Variants in CCNYL1 observed in about 807,000 individuals in gnomAD.
CCNYL1 encodes cyclin Y like 1.
CCNYL1 carries 16 observed loss-of-function variants against 44.2 expected under a neutral mutation model. That is an observed-to-expected ratio of 0.36 (90% CI 0.25 to 0.55). The LOEUF is 0.55. Ranked by LOEUF, CCNYL1 falls within the 20% of genes least tolerant of loss-of-function variation. CCNYL1 has a pLI of 0.85. For missense variants in CCNYL1, 348 were observed against 451.8 expected (o/e 0.77, Z 2.08); for synonymous variants, 159 against 163.2 (o/e 0.97, Z 0.20).
intron 4 of CCNYL1, 105 bp from the exon 5 acceptor site, chr2:207,737,306 C>T: frequency 1.2e-6 from 1 of 820,692 alleles, no homozygotes; most frequent in Non-Finnish European, 2.1e-6. Flanking sequence ...TAGAGGATTT[C>T]AGGGCCGCTA....
intron 3 of CCNYL1, among the ~76,000 whole-genome samples, chr2:207,733,101 G>A (rs1402569952): frequency 1.3e-5 from 2 of 152,064 alleles, no homozygotes; most frequent in Admixed American, 6.6e-5. Context: ...GTGTGGCTGC[G>A]GGCAAAGGGA....
rs189624162 is a variant in CCNYL1, at chr2:207,719,002, C to T, written c.221-5798C>T. Among the ~76,000 whole-genome samples, 24 of 150,714 alleles carry T rather than the reference C, an allele frequency of 1.6e-4. No individual in the cohort carries two copies. In the East Asian group the frequency reaches 4.7e-3, roughly 29 times the overall value. ...AAAAAAAAAAAAACTCTCTTTACTG[C>T]TATGGAGTGATACCCAGATATCCAG... On this transcript the variant is annotated intron_variant, in intron 1 of 9. Transcript: ENST00000295414.
At chr2:207,716,325 A>G (rs2105816761) in intron 1 of CCNYL1, among the ~76,000 whole-genome samples, 1 of 144,404 alleles carries the variant, frequency 6.9e-6, no homozygotes, top group Non-Finnish European at 1.5e-5. Context: ...TCCAGTAGCT[A>G]TTTTAAGCCC....
intron 1 of CCNYL1, among the ~76,000 whole-genome samples, chr2:207,716,424 C>T (rs1264523447): frequency 6.6e-6 from 1 of 150,516 alleles, no homozygotes; most frequent in Admixed American, 6.6e-5. Context: ...TTATGGTATG[C>T]ATATGAATAT....
chr2:207,735,004 C>G (rs1490660912), intron 4 of CCNYL1, among the ~76,000 whole-genome samples: 1 of 152,164 alleles, frequency 6.6e-6, no homozygotes, highest in Non-Finnish European at 1.5e-5. Flanking sequence ...TAAAAAACCA[C>G]TCCACTTTGG....
chr2:207,726,107 A>G (rs2091678191), intron 2 of CCNYL1, among the ~76,000 whole-genome samples: 1 of 152,168 alleles, frequency 6.6e-6, no homozygotes, highest in South Asian at 2.1e-4. Context: ...GAGCTATCCC[A>G]TGCTCCTCTT....
chr2:207,752,057 T>C (rs2091896726), intron 9 of CCNYL1, among the ~76,000 whole-genome samples: 1 of 152,092 alleles, frequency 6.6e-6, no homozygotes, highest in Non-Finnish European at 1.5e-5. Context: ...ATTTTTTCTT[T>C]GCGACTGTAT....
chr2:207,748,943 T>A (rs554981667), intron 8 of CCNYL1, among the ~76,000 whole-genome samples: 1 of 152,334 alleles, frequency 6.6e-6, no homozygotes, highest in African/African-American at 2.4e-5. Flanking sequence ...CTGTCATCCG[T>A]CTGCAAACTG....
intron 2 of CCNYL1, among the ~76,000 whole-genome samples, chr2:207,725,383 C>G (rs1020927282): frequency 6.6e-6 from 1 of 152,212 alleles, no homozygotes. Flanking sequence ...CCTCAGCCTC[C>G]CAAAGTGCTG....
rs1357447720 is a variant in CCNYL1 at position 207,755,517 on chromosome 2, A to G, written c.*1819A>G. On this transcript the variant is annotated 3_prime_UTR_variant, in exon 10 of 10. Transcript: ENST00000295414. ...TCTCCATAAAATGCCCTCTTTTTAAAAGTAGTTACCCGCAGAGCTGTGCTC... is the reference window on the plus strand; with the variant it reads ...TCTCCATAAAATGCCCTCTTTTTAAGAGTAGTTACCCGCAGAGCTGTGCTC... 6.6e-6 allele frequency: 1 copy of G among 152,230 alleles called. No individual in the cohort carries two copies. The highest frequency in any genetic ancestry group is 1.5e-5 in the Non-Finnish European group (1 of 68,038). The allele number at this position is 152,230 out of a possible 1,614,324, so 9.4% of individuals were successfully genotyped here. A position where few individuals can be genotyped will look rare whatever the true frequency, so the allele number is the denominator to read the frequency against.
chr2:207,719,985 G>A (rs573847618), intron 1 of CCNYL1, among the ~76,000 whole-genome samples: 4 of 152,086 alleles, frequency 2.6e-5, no homozygotes, highest in South Asian at 4.2e-4. Flanking sequence ...GTCAGGAGAT[G>A]GAGACCATCC....
intron 3 of CCNYL1, among the ~76,000 whole-genome samples, chr2:207,730,967 A>C (rs1331974137): frequency 6.6e-6 from 1 of 152,084 alleles, no homozygotes; most frequent in Non-Finnish European, 1.5e-5. Context: ...TTAAAGTGTA[A>C]ATCTAAGTTT....
chr2:207,715,178 G>A (rs934440028), intron 1 of CCNYL1, among the ~76,000 whole-genome samples: 1 of 152,010 alleles, frequency 6.6e-6, no homozygotes, highest in African/African-American at 2.4e-5. Flanking sequence ...TAAGGCAGGA[G>A]AATCACTTGA....
At chr2:207,746,048 G>T (rs2091852681) in intron 7 of CCNYL1, among the ~76,000 whole-genome samples, 1 of 152,190 alleles carries the variant, frequency 6.6e-6, no homozygotes, top group African/African-American at 2.4e-5. Flanking sequence ...ACTTTGCTCA[G>T]TTCTTTGAAG....
chr2:207,711,877 G>A lies in CCNYL1; in HGVS notation c.-20G>A, dbSNP rs569654055. ...TAGGGGGCGAGCGAAGGCGGTGGCA[G>A]AGAGGAGCGGAGGCTTCCCATGGGG... On this transcript the variant is annotated 5_prime_UTR_variant, in exon 1 of 10. Coordinates refer to ENST00000295414, the MANE Select transcript of CCNYL1 (RefSeq NM_001330218.2). 2.9e-6 allele frequency: 4 copies of A among 1,362,908 alleles called. No homozygotes were observed. The East Asian group carries it at 1.2e-4, about 42-fold the overall frequency. 84.4% of individuals were successfully genotyped at this position (1,362,908 alleles called of 1,614,324 possible).
At chr2:207,750,916 C>T in intron 8 of CCNYL1, 41 bp from the exon 9 acceptor site, 1 of 1,580,244 alleles carries the variant, frequency 6.3e-7, no homozygotes, top group Non-Finnish European at 8.6e-7. Flanking sequence ...AGTTGACTGA[C>T]ATTGTCCTGT....
rs148541602 is a variant in CCNYL1, at chr2:207,726,655, C to CT, written c.296-186dup. Among the ~76,000 whole-genome samples, 608 of 152,168 alleles carry CT rather than the reference C, an allele frequency of 4.0e-3. 3 individuals carry two copies. Among genetic ancestry groups the CT allele is most frequent in the Non-Finnish European group, 6.8e-3 (465 of 68,006 alleles). ...ATATCTGTCAGTTCAAAAAGTAAAACTAAGTTTTTAGATTTTATTTTATGG... is the reference window on the plus strand; with the variant it reads ...ATATCTGTCAGTTCAAAAAGTAAAACTTAAGTTTTTAGATTTTATTTTATGG... On this transcript the variant is annotated intron_variant, in intron 2 of 9. Coordinates refer to ENST00000295414, the MANE Select transcript of CCNYL1 (RefSeq NM_001330218.2).
intron 5 of CCNYL1, among the ~76,000 whole-genome samples, chr2:207,737,781 G>C (rs2091776816): frequency 6.6e-6 from 1 of 152,144 alleles, no homozygotes; most frequent in Admixed American, 6.5e-5. Flanking sequence ...TGTGGGGACT[G>C]TCCTGTGTAT....
rs901982778 is a variant in CCNYL1, at chr2:207,711,749, G to T, written c.-148G>T. ...CGGGGCGGGCGGGCGAACCGCGGGC[G>T]AGGCGGCGTCTGCTTGCGCGGTGCA... On this transcript the variant is annotated 5_prime_UTR_variant, in exon 1 of 10. Coordinates refer to ENST00000295414, the MANE Select transcript of CCNYL1 (RefSeq NM_001330218.2). 7.3e-6 allele frequency: 3 copies of T among 410,588 alleles called. No individual in the cohort carries two copies. Among genetic ancestry groups the T allele is most frequent in the Non-Finnish European group, 8.0e-6 (2 of 251,264 alleles). 25.4% of individuals were successfully genotyped at this position (410,588 alleles called of 1,614,324 possible). A position where few individuals can be genotyped will look rare whatever the true frequency, so the allele number is the denominator to read the frequency against.
Sources: gnomAD v4.1 joint callset for allele counts (sites outside exome capture counted in the v4.1 genomes callset) on GRCh38, gnomAD v4.1.1 for gene constraint, MANE v1.5 for transcripts, NCBI Gene and HGNC (gene_info 2026-07-23, HGNC 2026-07-21) for gene names.